The following ZNF384 variants were observed in gnomAD, a reference collection of about 807,000 sequenced individuals.
The protein encoded by ZNF384 is CAG repeat protein 1.
A neutral mutation model predicts 65.0 loss-of-function variants in ZNF384; 20 were observed. That is an observed-to-expected ratio of 0.31 (90% CI 0.22 to 0.45). The LOEUF is 0.45. Ranked by LOEUF, ZNF384 falls within the 20% of genes least tolerant of loss-of-function variation. ZNF384 has a pLI of 1.00. For synonymous variants in ZNF384, 310 were observed against 303.9 expected, an observed-to-expected ratio of 1.02 and a Z score of -0.21; for missense variants, 549 against 769.4, an observed-to-expected ratio of 0.71 and a Z score of 3.39.
At position 6,667,863 on chromosome 12, in the gene ZNF384, G is replaced by T; in HGVS notation, c.1678C>A (p.Gln560Lys). 1 of 1,614,068 alleles carries T rather than the reference G, an allele frequency of 6.2e-7. No individual in the cohort carries two copies. Among genetic ancestry groups the T allele is most frequent in the Non-Finnish European group, 8.5e-7 (1 of 1,179,994 alleles). The part of the protein sequence containing the change: ...PHFQSPGAAP[Q>K]GGGGGDSNPN... ...TTGCTGTCCCCACCACCCCCACCCTGGGGGGCTGCCCCAGGAGACTGGAAG... is the reference window on the plus strand; with the variant it reads ...TTGCTGTCCCCACCACCCCCACCCTTGGGGGCTGCCCCAGGAGACTGGAAG... The change falls in exon 12 of 12, where the codon CAG becomes AAG. Residue 560 changes from glutamine to lysine, a missense_variant. This residue lies in a region of ZNF384 where 136 missense variants were observed against 183.0 expected (regional missense o/e 0.74). Transcript: ENST00000683879.
Position 6,673,350 on chromosome 12 carries a change from T to G in ZNF384, c.870A>C (p.Pro290=). ...TGTTGGCGAAGGTCTTGGAGCAATG[T>G]GGGCACTTGTGGGGCTTGGTCTCGG... ...SHTETKPHKC[P]HCSKTFANSS... is the part of the protein sequence containing the mutation. Residue 290 remains proline, a synonymous_variant, in exon 8 of 12, where the codon CCA becomes CCC. Transcript: ENST00000683879. The surrounding 1 kb of genome is among the most constrained non-coding windows in gnomAD (Gnocchi z 4.7). The G allele has an allele frequency of 3.7e-6, 6 of 1,613,376 alleles. No individual in the cohort carries two copies. The highest frequency in any genetic ancestry group is 5.1e-6 in the Non-Finnish European group (6 of 1,179,876).
Position 6,672,273 on chromosome 12 carries a change from T to C in ZNF384, c.1187+77A>G, listed in dbSNP as rs1951782365. The C allele has an allele frequency of 5.7e-6, 8 of 1,402,496 alleles. No individual in the cohort carries two copies. The highest frequency in any genetic ancestry group is 7.8e-6 in the Non-Finnish European group (8 of 1,031,514). The allele number at this position is 1,402,496 out of a possible 1,614,324, so 86.9% of individuals were successfully genotyped here. A position where few individuals can be genotyped will look rare whatever the true frequency, so the allele number is the denominator to read the frequency against. ...CTCTCCCCCGCCCCCCGCATGCGGG[T>C]TGTTGTGTGTGTCCGGGGCGGGGGT... On this transcript the variant is annotated intron_variant, in intron 9 of 11. Transcript: ENST00000683879. This position sits in a 1 kb window ranked among gnomAD's most constrained non-coding sequence, Gnocchi z 4.4.
intron 2 of ZNF384, among the ~76,000 whole-genome samples, chr12:6,681,223 A>C (rs1301645361): frequency 1.3e-5 from 2 of 152,140 alleles, no homozygotes; most frequent in African/African-American, 4.8e-5. Flanking sequence ...AAAAAAAAAA[A>C]AAAAAACTTT....
In ZNF384 at chr12:6,673,180, C is replaced by G; in HGVS notation, c.1004+36G>C. The G allele has an allele frequency of 6.3e-7, 1 of 1,592,032 alleles. No individual in the cohort carries two copies. Among genetic ancestry groups the G allele is most frequent in the Middle Eastern group, 1.7e-4 (1 of 6,012 alleles). On this transcript the variant is annotated intron_variant, in intron 8 of 11. Coordinates refer to ENST00000683879, the MANE Select transcript of ZNF384 (RefSeq NM_001385745.1). This position sits in a 1 kb window ranked among gnomAD's most constrained non-coding sequence, Gnocchi z 4.7. ...GCAGGCAACATGGTCTTAGGGTTCA[C>G]GGCCAGGTGGTGGGGTAAACCAAGA...
chr12:6,667,446 C>T lies in ZNF384; in HGVS notation c.*268G>A. 1.7e-6 allele frequency: 1 copy of T among 575,736 alleles called. No individual in the cohort carries two copies. The highest frequency in any genetic ancestry group is 3.1e-6 in the Non-Finnish European group (1 of 321,678). The allele number at this position is 575,736 out of a possible 1,614,324, so 35.7% of individuals were successfully genotyped here. A position where few individuals can be genotyped will look rare whatever the true frequency, so the allele number is the denominator to read the frequency against. On this transcript the variant is annotated 3_prime_UTR_variant, in exon 12 of 12. Transcript: ENST00000683879. ...AGCAAATCCTTCCCTTGAGCACCGA[C>T]CCCCAGTTTTAGAAGCTTTGCTTGG... is the stretch of plus-strand genomic sequence containing the variant.
chr12:6,683,912 G>C (rs1208157271), intron 2 of ZNF384, among the ~76,000 whole-genome samples: 1 of 152,094 alleles, frequency 6.6e-6, no homozygotes, highest in Non-Finnish European at 1.5e-5. Context: ...AGCTATTCAG[G>C]AGGCTGAGAA....
chr12:6,687,542 T>G (rs1958374181), intron 2 of ZNF384, among the ~76,000 whole-genome samples: 1 of 152,162 alleles, frequency 6.6e-6, no homozygotes, highest in Admixed American at 6.5e-5. Context: ...TTAGGTCCAC[T>G]CACTGTCATT....
chr12:6,686,739 A>C (rs1040707884), intron 2 of ZNF384, among the ~76,000 whole-genome samples: 7 of 152,234 alleles, frequency 4.6e-5, no homozygotes, highest in Non-Finnish European at 8.8e-5. Flanking sequence ...AGAAAGAATG[A>C]AATGCCCCAA....
chr12:6,669,614 C>T (rs1394259322), intron 10 of ZNF384, among the ~76,000 whole-genome samples: 3 of 152,064 alleles, frequency 2.0e-5, no homozygotes, highest in Non-Finnish European at 4.4e-5. Context: ...ATTCTCCTGC[C>T]TCAGCCTGCA....
At chr12:6,685,776 C>CAAAAAAAA (rs778337408) in intron 2 of ZNF384, among the ~76,000 whole-genome samples, 10 of 43,210 alleles carry the variant, frequency 2.3e-4, no homozygotes, top group African/African-American at 4.9e-4. Context: ...GACTCAGTCT[C>CAAAAAAAA]AAAAAAAAAA....
At chr12:6,668,202 TG>T in intron 11 of ZNF384, 87 bp from the exon 12 acceptor site, 2 of 1,352,034 alleles carry the variant, frequency 1.5e-6, no homozygotes, top group Non-Finnish European at 2.0e-6. Context: ...CTGATTCTGC[TG>T]TAAGCAGAGT....
chr12:6,689,371 G>T lies in ZNF384; in HGVS notation c.-339C>A, dbSNP rs1277334772. ...GCTGCCCTCCCCTTGCACTCACCCG[G>T]AAGTGGTGCTGCAGCTCGTGCTCCC... On this transcript the variant is annotated 5_prime_UTR_variant, in exon 1 of 12. Transcript: ENST00000683879. 6.6e-6 allele frequency: 1 copy of T among 152,400 alleles called. No individual in the cohort carries two copies. The highest frequency in any genetic ancestry group is 2.4e-5 in the African/African-American group (1 of 41,472). 9.4% of individuals were successfully genotyped at this position (152,400 alleles called of 1,614,324 possible).
chr12:6,689,255 A>T lies in ZNF384; in HGVS notation c.-223T>A, dbSNP rs1959116619. 6.5e-6 allele frequency: 1 copy of T among 152,780 alleles called. No homozygotes were observed. The highest frequency in any genetic ancestry group is 1.5e-5 in the Non-Finnish European group (1 of 68,312). 9.5% of individuals were successfully genotyped at this position (152,780 alleles called of 1,614,324 possible). ...GCAGCGCGCGGGCACGCACTTCTGG[A>T]GCGAGACAGACCCACACACTCACAC... On this transcript the variant is annotated 5_prime_UTR_variant, in exon 1 of 12. Transcript: ENST00000683879.
chr12:6,673,573 AT>A lies in ZNF384; in HGVS notation c.780-134del. The stretch of plus-strand genomic sequence containing the variant: ...CCAACTTGAGAGTAGAGCTCTATAT[AT>A]TCATCTTTATGGCCTAAGCTTCTAA... On this transcript the variant is annotated intron_variant, in intron 7 of 11. Transcript: ENST00000683879. This position sits in a 1 kb window ranked among gnomAD's most constrained non-coding sequence, Gnocchi z 4.7. The A allele has an allele frequency of 1.5e-6, 1 of 663,320 alleles. No homozygotes were observed. Among genetic ancestry groups the A allele is most frequent in the Non-Finnish European group, 2.6e-6 (1 of 387,434 alleles). The allele number at this position is 663,320 out of a possible 1,614,324, so 41.1% of individuals were successfully genotyped here. A position where few individuals can be genotyped will look rare whatever the true frequency, so the allele number is the denominator to read the frequency against.
rs762475868 is a variant in ZNF384 at position 6,678,291 on chromosome 12, C to A, written c.522G>T (p.Glu174Asp). ...LSKKVASTLT[E>D]EGGGGGGGGG... is the part of the protein sequence containing the mutation. ...CTCCACCACCACCTCCGCCTCCTTCCTCGGTTAGGGTCGATGCTACCTTCT... is the reference window on the plus strand; with the variant it reads ...CTCCACCACCACCTCCGCCTCCTTCATCGGTTAGGGTCGATGCTACCTTCT... The change falls in exon 6 of 12, where the codon GAG becomes GAT. Residue 174 changes from glutamate (E) to aspartate (D), a missense_variant. Coordinates refer to ENST00000683879, the MANE Select transcript of ZNF384 (RefSeq NM_001385745.1). This position sits in a 1 kb window ranked among gnomAD's most constrained non-coding sequence, Gnocchi z 4.9. 6.2e-7 allele frequency: 1 copy of A among 1,614,146 alleles called. No individual in the cohort carries two copies. The highest frequency in any genetic ancestry group is 8.5e-7 in the Non-Finnish European group (1 of 1,180,034).
Position 6,678,813 on chromosome 12 carries a change from G to T in ZNF384, c.305-103C>A. On this transcript the variant is annotated intron_variant, in intron 4 of 11. Coordinates refer to ENST00000683879, the MANE Select transcript of ZNF384 (RefSeq NM_001385745.1). This position sits in a 1 kb window ranked among gnomAD's most constrained non-coding sequence, Gnocchi z 4.9. ...TGCCTAGCACATTGCTAGGCACACA[G>T]TAGGCACTTAATAAAAATTTGATTG... 6.8e-7 allele frequency: 1 copy of T among 1,472,180 alleles called. No homozygotes were observed. Among genetic ancestry groups the T allele is most frequent in the East Asian group, 2.3e-5 (1 of 44,078 alleles). 91.2% of individuals were successfully genotyped at this position (1,472,180 alleles called of 1,614,324 possible).
Position 6,666,488 on chromosome 12 carries a change from G to C in ZNF384, c.*1226C>G, listed in dbSNP as rs909241812. The C allele has an allele frequency of 3.8e-5, 6 of 159,612 alleles. No homozygotes were observed. Among genetic ancestry groups the C allele is most frequent in the African/African-American group, 1.4e-4 (6 of 41,646 alleles). 9.9% of individuals were successfully genotyped at this position (159,612 alleles called of 1,614,324 possible). ...TCCACTGCCTCTGATCCTTTTACAT[G>C]AATTTATTTCTATACAATGTTCTAA... On this transcript the variant is annotated 3_prime_UTR_variant, in exon 12 of 12. Transcript: ENST00000683879.
intron 9 of ZNF384, among the ~76,000 whole-genome samples, chr12:6,671,136 C>G (rs960909253): frequency 6.6e-6 from 1 of 152,224 alleles, no homozygotes; most frequent in Non-Finnish European, 1.5e-5. Flanking sequence ...CCTACAGTAA[C>G]TGTCCTAACG....
At chr12:6,668,736 G>C (rs1311357418) in intron 11 of ZNF384, among the ~76,000 whole-genome samples, 1 of 150,554 alleles carries the variant, frequency 6.6e-6, no homozygotes, top group Non-Finnish European at 1.5e-5. Context: ...AAAAGAAGAA[G>C]AAAATGCCTA....
Sources: allele counts gnomAD v4.1 joint callset (sites outside exome capture counted in the v4.1 genomes callset), GRCh38; gene constraint gnomAD v4.1.1; regional missense constraint gnomAD v4.1.1; non-coding constraint Gnocchi (gnomAD v3.1); transcripts MANE v1.5; gene names NCBI Gene and HGNC (gene_info 2026-07-23, HGNC 2026-07-21).